GNAI3: variants seen among roughly 807,000 people sequenced by gnomAD.
GNAI3 encodes guanine nucleotide-binding protein G(i) subunit alpha-3.
A neutral mutation model predicts 41.8 loss-of-function variants in GNAI3; 12 were observed. The ratio of observed to expected loss-of-function variants is 0.29; its 90% CI spans 0.18 to 0.47. GNAI3 has a LOEUF of 0.47. Among genes scored for constraint, GNAI3 ranks in the 20% least tolerant of loss-of-function variants. The pLI, the probability that GNAI3 is intolerant of heterozygous loss-of-function variation, is 1.00. For synonymous variants in GNAI3, 132 were observed against 146.5 expected, an observed-to-expected ratio of 0.90 and a Z score of 0.71; for missense variants, 360 against 429.6, an observed-to-expected ratio of 0.84 and a Z score of 1.43.
chr1:109,588,513 G>A (rs1649091224), intron 7 of GNAI3, among the ~76,000 whole-genome samples: 1 of 152,172 alleles, frequency 6.6e-6, no homozygotes, highest in Admixed American at 6.5e-5. Context: ...AACTGCCAGG[G>A]ATGGATCACT....
intron 5 of GNAI3, among the ~76,000 whole-genome samples, chr1:109,583,541 A>C (rs975021951): frequency 2.0e-5 from 3 of 151,718 alleles, no homozygotes; most frequent in African/African-American, 7.3e-5. Flanking sequence ...AGAGAGAGAA[A>C]ATTCTAGTAT....
chr1:109,599,048 G>A lies in GNAI3; in HGVS notation c.*6726G>A. 2.0e-6 allele frequency: 1 copy of A among 504,410 alleles called. No individual in the cohort carries two copies. The highest frequency in any genetic ancestry group is 1.4e-5 in the South Asian group (1 of 69,380). The allele number at this position is 504,410 out of a possible 1,614,324, so 31.2% of individuals were successfully genotyped here. On this transcript the variant is annotated 3_prime_UTR_variant, in exon 9 of 9. Transcript: ENST00000369851. ...TATGTCTCACCGTGGGGATGGGAAG[G>A]AATACTCTGTTTTGGACTATTTGGA...
At chr1:109,575,541 T>C in intron 3 of GNAI3, among the ~76,000 whole-genome samples, 1 of 131,846 alleles carries the variant, frequency 7.6e-6, no homozygotes, top group East Asian at 2.1e-4. Flanking sequence ...TTTCTTTTTT[T>C]TTTTTTTTTT....
chr1:109,553,997 G>A (rs947389067), intron 1 of GNAI3, among the ~76,000 whole-genome samples: 3 of 152,082 alleles, frequency 2.0e-5, no homozygotes, highest in South Asian at 2.1e-4. Context: ...TAGAGTAATC[G>A]TCTCCAGTTC....
At chr1:109,570,045 A>G (rs1648552215) in intron 1 of GNAI3, among the ~76,000 whole-genome samples, 1 of 152,194 alleles carries the variant, frequency 6.6e-6, no homozygotes, top group South Asian at 2.1e-4. Flanking sequence ...TAAGCAATTT[A>G]AAATATAACT....
At position 109,597,145 on chromosome 1, in the gene GNAI3, T is replaced by C. The variant is rs1400750694; in HGVS notation, c.*4823T>C. 2 of 152,274 alleles carry C rather than the reference T, an allele frequency of 1.3e-5. No homozygotes were observed. Among genetic ancestry groups the C allele is most frequent in the East Asian group, 1.9e-4 (1 of 5,188 alleles). 9.4% of individuals were successfully genotyped at this position (152,274 alleles called of 1,614,324 possible). The stretch of plus-strand genomic sequence containing the variant: ...GCATTTTAGATTTTGGATTTTCAGA[T>C]TTGAAATGCTCAATCTATATTAAAG... On this transcript the variant is annotated 3_prime_UTR_variant, in exon 9 of 9. Coordinates refer to ENST00000369851, the MANE Select transcript of GNAI3 (RefSeq NM_006496.4).
At chr1:109,564,206 G>A (rs2101094754) in intron 1 of GNAI3, among the ~76,000 whole-genome samples, 1 of 152,216 alleles carries the variant, frequency 6.6e-6, no homozygotes, top group African/African-American at 2.4e-5. Flanking sequence ...AGACTGGCCA[G>A]ACTGTTTTCT....
chr1:109,553,219 T>C (rs894734395), intron 1 of GNAI3, among the ~76,000 whole-genome samples: 2 of 152,204 alleles, frequency 1.3e-5, no homozygotes, highest in African/African-American at 4.8e-5. Context: ...AGGAATTAAA[T>C]GTTAGTCCTT....
rs766574796 is a variant in GNAI3, at chr1:109,595,386, C to T, written c.*3064C>T. 3 of 152,152 alleles carry T rather than the reference C, an allele frequency of 2.0e-5. No homozygotes were observed. The highest frequency in any genetic ancestry group is 2.9e-5 in the Non-Finnish European group (2 of 68,024). 9.4% of individuals were successfully genotyped at this position (152,152 alleles called of 1,614,324 possible). A position where few individuals can be genotyped will look rare whatever the true frequency, so the allele number is the denominator to read the frequency against. On this transcript the variant is annotated 3_prime_UTR_variant, in exon 9 of 9. Coordinates refer to ENST00000369851, the MANE Select transcript of GNAI3 (RefSeq NM_006496.4). ...GTTTGAATTCTAAATCTCTAGTTCA[C>T]AGTGAATCGTTTTTTAAATTTTTAC... is the stretch of plus-strand genomic sequence containing the variant.
In GNAI3 at chr1:109,600,184, G is replaced by A. The variant is rs1649405529; in HGVS notation, c.*7862G>A. 6.6e-6 allele frequency: 1 copy of A among 151,494 alleles called. No individual in the cohort carries two copies. The highest frequency in any genetic ancestry group is 1.5e-5 in the Non-Finnish European group (1 of 67,930). The allele number at this position is 151,494 out of a possible 1,614,324, so 9.4% of individuals were successfully genotyped here. Reference sequence around the variant, plus strand: ...GTAAATAAAAATTCAACAGTACGGTGTAAATTTAAAATGAGGCAAAAGAAA... The same window carrying A: ...GTAAATAAAAATTCAACAGTACGGTATAAATTTAAAATGAGGCAAAAGAAA... On this transcript the variant is annotated 3_prime_UTR_variant, in exon 9 of 9. Coordinates refer to ENST00000369851, the MANE Select transcript of GNAI3 (RefSeq NM_006496.4).
chr1:109,553,319 T>C (rs571548655), intron 1 of GNAI3, among the ~76,000 whole-genome samples: 22 of 150,362 alleles, frequency 1.5e-4, no homozygotes, highest in African/African-American at 5.3e-4. Flanking sequence ...CTTGATAGTT[T>C]CCTTTAGCAG....
At chr1:109,589,998 A>G (rs1469587307) in intron 7 of GNAI3, among the ~76,000 whole-genome samples, 1 of 152,224 alleles carries the variant, frequency 6.6e-6, no homozygotes, top group African/African-American at 2.4e-5. Flanking sequence ...TTAAAAGAGT[A>G]TAGGTAGAGC....
intron 1 of GNAI3, among the ~76,000 whole-genome samples, chr1:109,571,249 A>T (rs1297565309): frequency 6.6e-6 from 1 of 152,186 alleles, no homozygotes; most frequent in African/African-American, 2.4e-5. Flanking sequence ...TAGGTTTGTG[A>T]AATCTAAATA....
chr1:109,578,373 G>A (rs1648803979), intron 3 of GNAI3, among the ~76,000 whole-genome samples: 1 of 150,668 alleles, frequency 6.6e-6, no homozygotes, highest in East Asian at 1.9e-4. Flanking sequence ...GGGAGGCTGA[G>A]GCAGGAGAAT....
chr1:109,565,131 G>T (rs974835459), intron 1 of GNAI3, among the ~76,000 whole-genome samples: 1 of 151,954 alleles, frequency 6.6e-6, no homozygotes, highest in Non-Finnish European at 1.5e-5. Context: ...TGGCGTGGTG[G>T]CAGGCACCTG....
chr1:109,588,835 G>T (rs1430927157), intron 7 of GNAI3, among the ~76,000 whole-genome samples: 2 of 152,180 alleles, frequency 1.3e-5, no homozygotes, highest in Non-Finnish European at 2.9e-5. Flanking sequence ...GGAGGTTGCG[G>T]TGAGCCGAGA....
intron 1 of GNAI3, among the ~76,000 whole-genome samples, chr1:109,555,221 C>A (rs1648109208): frequency 6.6e-6 from 1 of 152,112 alleles, no homozygotes; most frequent in South Asian, 2.1e-4. Context: ...GCCCGTATAG[C>A]CAAAGCAAGA....
In GNAI3 at chr1:109,597,720, T is replaced by G. The variant is rs561990827; in HGVS notation, c.*5398T>G. The G allele has an allele frequency of 6.6e-6, 1 of 152,318 alleles. No individual in the cohort carries two copies. The highest frequency in any genetic ancestry group is 6.5e-5 in the Admixed American group (1 of 15,304). The allele number at this position is 152,318 out of a possible 1,614,324, so 9.4% of individuals were successfully genotyped here. Reference sequence around the variant, plus strand: ...TAGGATGTCCAAACATTCATTTCATTTATTTTACTGCATTTATTTATGCAG... The same window carrying G: ...TAGGATGTCCAAACATTCATTTCATGTATTTTACTGCATTTATTTATGCAG... On this transcript the variant is annotated 3_prime_UTR_variant, in exon 9 of 9. Transcript: ENST00000369851.
At chr1:109,567,049 G>A (rs1250999701) in intron 1 of GNAI3, among the ~76,000 whole-genome samples, 4 of 152,148 alleles carry the variant, frequency 2.6e-5, no homozygotes, top group African/African-American at 9.7e-5. Flanking sequence ...GTGAGAATAA[G>A]TTAGCAAAAA....
Sources: gnomAD v4.1 joint callset for allele counts (sites outside exome capture counted in the v4.1 genomes callset) on GRCh38, gnomAD v4.1.1 for gene constraint, MANE v1.5 for transcripts, NCBI Gene and HGNC (gene_info 2026-07-23, HGNC 2026-07-21) for gene names.